The following ERBB4 variants were observed in gnomAD, a reference collection of about 807,000 sequenced individuals.
The protein encoded by ERBB4 is receptor tyrosine-protein kinase erbB-4.
ERBB4 carries 42 observed loss-of-function variants against 158.0 expected under a neutral mutation model. The ratio of observed to expected loss-of-function variants is 0.27; its 90% CI spans 0.21 to 0.34. The LOEUF is 0.34. Ranked by LOEUF, ERBB4 falls within the 10% of genes least tolerant of loss-of-function variation. ERBB4 has a pLI of 1.00. For missense variants in ERBB4, 1,333 were observed against 1,624.1 expected (o/e 0.82, Z 3.08); for synonymous variants, 583 against 558.7 (o/e 1.04, Z -0.61).
chr2:211,712,486 T>C (rs1330348974), intron 8 of ERBB4, among the ~76,000 whole-genome samples: 2 of 152,048 alleles, frequency 1.3e-5, no homozygotes, highest in Non-Finnish European at 2.9e-5. Context: ...AAATCAATAC[T>C]CCTCCTAACA....
At chr2:211,818,037 T>C (rs1271634504) in intron 3 of ERBB4, among the ~76,000 whole-genome samples, 1 of 152,166 alleles carries the variant, frequency 6.6e-6, no homozygotes, top group African/African-American at 2.4e-5. Context: ...TTAATACAGA[T>C]GATATTACAC....
intron 4 of ERBB4, 77 bp downstream of exon 4, chr2:211,787,948 G>T: frequency 7.1e-7 from 1 of 1,407,184 alleles, no homozygotes; most frequent in Non-Finnish European, 1.0e-6. Flanking sequence ...TATTAGTAAT[G>T]ACATAATAAG....
chr2:212,501,959 TA>T (rs1448373068), intron 1 of ERBB4, among the ~76,000 whole-genome samples: 1 of 152,064 alleles, frequency 6.6e-6, no homozygotes, highest in Non-Finnish European at 1.5e-5. Flanking sequence ...GTTATTAAAA[TA>T]AATATTTTAT....
At chr2:211,579,420 C>A (rs1005787829) in intron 19 of ERBB4, among the ~76,000 whole-genome samples, 1 of 152,030 alleles carries the variant, frequency 6.6e-6, no homozygotes, top group Non-Finnish European at 1.5e-5. Flanking sequence ...ACCAGAAATA[C>A]CATTTGAGCC....
At chr2:212,499,945 A>C (rs976140660) in intron 1 of ERBB4, among the ~76,000 whole-genome samples, 8 of 152,094 alleles carry the variant, frequency 5.3e-5, no homozygotes, top group Non-Finnish European at 1.0e-4. Flanking sequence ...TCATATGACA[A>C]ATGTCACCTG....
intron 1 of ERBB4, among the ~76,000 whole-genome samples, chr2:212,506,263 G>A (rs969643930): frequency 6.7e-6 from 1 of 148,554 alleles, no homozygotes; most frequent in Non-Finnish European, 1.5e-5. Context: ...CTCTCCTTGG[G>A]TTTCCCAATT....
At chr2:212,154,743 G>C (rs373566986) in intron 1 of ERBB4, among the ~76,000 whole-genome samples, 3 of 126,980 alleles carry the variant, frequency 2.4e-5, no homozygotes, top group African/African-American at 6.8e-5. Context: ...CAATCAAAAA[G>C]CCTGTTCAAT....
chr2:211,394,435 T>C (rs1043190336), intron 25 of ERBB4, among the ~76,000 whole-genome samples: 10 of 152,100 alleles, frequency 6.6e-5, no homozygotes, highest in African/African-American at 1.9e-4. Context: ...CATTAGCATG[T>C]TGTCATAATT....
chr2:211,952,549 A>C (rs936672475), intron 2 of ERBB4, among the ~76,000 whole-genome samples: 2 of 152,112 alleles, frequency 1.3e-5, no homozygotes, highest in Non-Finnish European at 2.9e-5. Flanking sequence ...TGAGAGAATA[A>C]AAACAACTTT....
chr2:211,663,415 C>T (rs370011056), intron 15 of ERBB4, among the ~76,000 whole-genome samples: 6 of 152,230 alleles, frequency 3.9e-5, no homozygotes, highest in Admixed American at 6.5e-5. Context: ...CTTAATTCTG[C>T]GGCTGCAAAT....
At chr2:212,042,501 A>G (rs537816555) in intron 2 of ERBB4, among the ~76,000 whole-genome samples, 2 of 152,234 alleles carry the variant, frequency 1.3e-5, no homozygotes, top group East Asian at 3.9e-4. Context: ...ATACTGCTCA[A>G]TGAAAGCAAC....
chr2:211,455,629 ATTATG>A lies in ERBB4; in HGVS notation c.2488-24534_2488-24530del, dbSNP rs1372163408. ...GAATCAAAATGACAAAACAGTTCAT[ATTATG>A]TTTTCTCCCTTAGCTTGTTCTATGT... On this transcript the variant is annotated intron_variant, in intron 20 of 27. Transcript: ENST00000342788. Among the ~76,000 whole-genome samples the A allele has an allele frequency of 3.3e-5, 5 of 152,278 alleles. No homozygotes were observed. The East Asian group carries it at 9.7e-4, about 29-fold the overall frequency.
chr2:212,193,236 T>C (rs906187786), intron 1 of ERBB4, among the ~76,000 whole-genome samples: 3 of 152,166 alleles, frequency 2.0e-5, no homozygotes, highest in African/African-American at 7.2e-5. Context: ...ATTATGTGAA[T>C]AAGCTGTAAC....
intron 20 of ERBB4, among the ~76,000 whole-genome samples, chr2:211,550,034 A>G (rs2067041830): frequency 6.6e-6 from 1 of 152,144 alleles, no homozygotes; most frequent in Non-Finnish European, 1.5e-5. Context: ...GGTATGATTG[A>G]CAAATAAAAA....
At chr2:211,618,347 T>C (rs1266943211) in intron 19 of ERBB4, among the ~76,000 whole-genome samples, 1 of 152,138 alleles carries the variant, frequency 6.6e-6, no homozygotes, top group African/African-American at 2.4e-5. Context: ...CTTATTTATG[T>C]AAATAAAAAG....
chr2:211,793,688 T>C (rs568271469), intron 3 of ERBB4, among the ~76,000 whole-genome samples: 1 of 152,060 alleles, frequency 6.6e-6, no homozygotes, highest in African/African-American at 2.4e-5. Context: ...ACTTAATACA[T>C]GATCTCTGGA....
chr2:211,468,917 CAA>C (rs34611181), intron 20 of ERBB4, among the ~76,000 whole-genome samples: 9 of 135,172 alleles, frequency 6.7e-5, no homozygotes, highest in Admixed American at 7.6e-5. Flanking sequence ...TCTTCTGCTT[CAA>C]AAAAAAAAAA....
chr2:211,384,174 G>A (rs780746497), intron 27 of ERBB4, 114 bp from the exon 28 acceptor site: 5 of 747,246 alleles, frequency 6.7e-6, no homozygotes, highest in Middle Eastern at 3.1e-4. Context: ...CCACAGATTT[G>A]TTTTCATGAT....
chr2:212,221,024 T>C (rs1262322820), intron 1 of ERBB4, among the ~76,000 whole-genome samples: 4 of 151,528 alleles, frequency 2.6e-5, no homozygotes, highest in African/African-American at 2.4e-5. Flanking sequence ...ACCCAGTATG[T>C]AGGTGACTTC....
Sources: gnomAD v4.1 joint callset for allele counts (sites outside exome capture counted in the v4.1 genomes callset) on GRCh38, gnomAD v4.1.1 for gene constraint, MANE v1.5 for transcripts, NCBI Gene and HGNC (gene_info 2026-07-23, HGNC 2026-07-21) for gene names.